The following SNCAIP variants were observed in gnomAD, a reference collection of about 807,000 sequenced individuals.
The protein encoded by SNCAIP is synphilin-1.
A neutral mutation model predicts 86.7 loss-of-function variants in SNCAIP; 43 were observed. That is an observed-to-expected ratio of 0.50 (90% CI 0.39 to 0.64). SNCAIP has a LOEUF of 0.64. Ranked by LOEUF, SNCAIP falls within the 30% of genes least tolerant of loss-of-function variation. The pLI, the probability that SNCAIP is intolerant of heterozygous loss-of-function variation, is 0.00. For synonymous variants in SNCAIP, 417 were observed against 427.2 expected, an observed-to-expected ratio of 0.98 and a Z score of 0.29; for missense variants, 981 against 1,103.1, an observed-to-expected ratio of 0.89 and a Z score of 1.57.
At chr5:122,386,975 G>A (rs536471643) in intron 1 of SNCAIP, among the ~76,000 whole-genome samples, 2 of 152,240 alleles carry the variant, frequency 1.3e-5, no homozygotes, top group South Asian at 4.2e-4. Context: ...GGGGAGAGGG[G>A]CTTACATGCA....
Position 122,406,578 on chromosome 5 carries a change from C to T in SNCAIP, c.130+2713C>T, listed in dbSNP as rs1773052484. ...GGATTTCTCATGAATGGTTTAGCGC[C>T]ATCTCCTTGGTACCATCCTTGTGAT... On this transcript the variant is annotated intron_variant, in intron 3 of 10. Transcript: ENST00000261368. 2.0e-5 allele frequency among the ~76,000 whole-genome samples: 3 copies of T among 152,142 alleles called. No homozygotes were observed. In the South Asian group the frequency reaches 6.2e-4, roughly 32 times the overall value.
At chr5:122,317,487 A>G (rs779676162) in intron 1 of SNCAIP, among the ~76,000 whole-genome samples, 17 of 152,248 alleles carry the variant, frequency 1.1e-4, no homozygotes, top group South Asian at 4.1e-4. Context: ...ACCAGACCCT[A>G]TGGCCGGAGA....
At chr5:122,417,063 T>C (rs1775457491) in intron 3 of SNCAIP, among the ~76,000 whole-genome samples, 1 of 152,218 alleles carries the variant, frequency 6.6e-6, no homozygotes, top group Non-Finnish European at 1.5e-5. Flanking sequence ...CTCAAGCTAA[T>C]TTTCTAATAC....
chr5:122,440,484 T>G (rs1319436987), intron 6 of SNCAIP, 145 bp from the exon 7 acceptor site: 1 of 765,158 alleles, frequency 1.3e-6, no homozygotes, highest in Non-Finnish European at 2.2e-6. Context: ...GGATTTTCAA[T>G]TCACATCTGA....
rs1362739512 is a variant in SNCAIP at position 122,319,733 on chromosome 5, A to G, written c.-47+7449A>G. 2.0e-5 allele frequency among the ~76,000 whole-genome samples: 3 copies of G among 152,214 alleles called. No homozygotes were observed. In the East Asian group the frequency reaches 5.8e-4, roughly 29 times the overall value. On this transcript the variant is annotated intron_variant, in intron 1 of 10. Transcript: ENST00000261368. The stretch of plus-strand genomic sequence containing the variant: ...CTGATGCAGAAGGAAGATATTAGCC[A>G]TTGTTGAATGTTTACTGTGTTTGAC...
At chr5:122,318,124 G>C (rs540309510) in intron 1 of SNCAIP, among the ~76,000 whole-genome samples, 7 of 152,166 alleles carry the variant, frequency 4.6e-5, no homozygotes, top group Admixed American at 6.5e-5. Flanking sequence ...CTCCTCCTGT[G>C]GGTGCAGGGG....
At chr5:122,337,150 A>C (rs999099513) in intron 1 of SNCAIP, among the ~76,000 whole-genome samples, 1 of 152,222 alleles carries the variant, frequency 6.6e-6, no homozygotes, top group Non-Finnish European at 1.5e-5. Flanking sequence ...AAAAGGGAAA[A>C]TATGGATATA....
At chr5:122,322,218 A>G (rs1753088728) in intron 1 of SNCAIP, among the ~76,000 whole-genome samples, 1 of 152,264 alleles carries the variant, frequency 6.6e-6, no homozygotes, top group African/African-American at 2.4e-5. Context: ...TTGCACATGC[A>G]GTATTTAAAT....
intron 1 of SNCAIP, among the ~76,000 whole-genome samples, chr5:122,364,977 A>G (rs1318390741): frequency 6.6e-6 from 1 of 152,210 alleles, no homozygotes; most frequent in African/African-American, 2.4e-5. Flanking sequence ...ATAACTGTTA[A>G]AAAGAGACAT....
chr5:122,450,665 G>C lies in SNCAIP; in HGVS notation c.1818G>C (p.Arg606=). Reference sequence around the variant, plus strand: ...TTGGAAGCCTGTCAGCCTCCAGCCGGGCTAGACCCAAAGCAAAAGATGAAG... The same window carrying C: ...TTGGAAGCCTGTCAGCCTCCAGCCGCGCTAGACCCAAAGCAAAAGATGAAG... ...QVLGSLSASS[R]ARPKAKDEDS... The change falls in exon 10 of 11, where the codon CGG becomes CGC. Residue 606 remains arginine, a synonymous_variant. Coordinates refer to ENST00000261368, the MANE Select transcript of SNCAIP (RefSeq NM_005460.4). 1.2e-6 allele frequency: 2 copies of C among 1,614,092 alleles called. No homozygotes were observed. Among genetic ancestry groups the C allele is most frequent in the Non-Finnish European group, 1.7e-6 (2 of 1,180,016 alleles).
At chr5:122,418,415 CCTGA>C (rs2152916677) in intron 3 of SNCAIP, among the ~76,000 whole-genome samples, 1 of 152,246 alleles carries the variant, frequency 6.6e-6, no homozygotes, top group African/African-American at 2.4e-5. Context: ...TTCTAAAACA[CCTGA>C]CTTTCAAACA....
At chr5:122,456,861 C>T (rs777150174) in intron 10 of SNCAIP, among the ~76,000 whole-genome samples, 4 of 152,166 alleles carry the variant, frequency 2.6e-5, no homozygotes, top group African/African-American at 4.8e-5. Context: ...CAGAGACAGA[C>T]AAATCTCACC....
Position 122,322,126 on chromosome 5 carries a change from A to G in SNCAIP, c.-47+9842A>G, listed in dbSNP as rs1753068159. 3.3e-5 allele frequency among the ~76,000 whole-genome samples: 5 copies of G among 152,334 alleles called. No individual in the cohort carries two copies. The South Asian group carries it at 1.0e-3, about 32-fold the overall frequency. On this transcript the variant is annotated intron_variant, in intron 1 of 10. Coordinates refer to ENST00000261368, the MANE Select transcript of SNCAIP (RefSeq NM_005460.4). ...GGGAGCTGTTAGAGTCATCACGATG[A>G]ACTTTCTGTTTCCAGTGGTTTTAGA... is the stretch of plus-strand genomic sequence containing the variant.
At chr5:122,394,813 G>A (rs1266785114) in intron 2 of SNCAIP, among the ~76,000 whole-genome samples, 3 of 152,168 alleles carry the variant, frequency 2.0e-5, no homozygotes, top group South Asian at 2.1e-4. Flanking sequence ...AATGTTGGCC[G>A]TGCCGCACAC....
At chr5:122,429,339 A>G (rs912511564) in intron 5 of SNCAIP, among the ~76,000 whole-genome samples, 4 of 151,726 alleles carry the variant, frequency 2.6e-5, no homozygotes, top group African/African-American at 9.7e-5. Flanking sequence ...AATAAAAATT[A>G]GAGTAAAAAG....
At chr5:122,370,910 C>A (rs1372663323) in intron 1 of SNCAIP, among the ~76,000 whole-genome samples, 1 of 152,164 alleles carries the variant, frequency 6.6e-6, no homozygotes, top group East Asian at 1.9e-4. Context: ...TGAGAAATAG[C>A]ATCACTTAGA....
At chr5:122,448,010 G>C (rs1243338886) in intron 8 of SNCAIP, among the ~76,000 whole-genome samples, 2 of 152,140 alleles carry the variant, frequency 1.3e-5, no homozygotes, top group African/African-American at 4.8e-5. Flanking sequence ...TGAAATGTTT[G>C]GACTAAAACT....
At chr5:122,456,965 G>A (rs756921179) in intron 10 of SNCAIP, among the ~76,000 whole-genome samples, 3 of 152,130 alleles carry the variant, frequency 2.0e-5, no homozygotes, top group Non-Finnish European at 2.9e-5. Context: ...TTGAGTTTTT[G>A]CTCAGAAACT....
intron 1 of SNCAIP, among the ~76,000 whole-genome samples, chr5:122,360,211 C>T (rs1322205525): frequency 6.6e-6 from 1 of 152,128 alleles, no homozygotes; most frequent in Non-Finnish European, 1.5e-5. Flanking sequence ...CATGGCCAGC[C>T]TTTTTGCTCT....
Sources: allele counts gnomAD v4.1 joint callset (sites outside exome capture counted in the v4.1 genomes callset), GRCh38; gene constraint gnomAD v4.1.1; transcripts MANE v1.5; gene names NCBI Gene and HGNC (gene_info 2026-07-23, HGNC 2026-07-21).